Variants in UNC93B1 observed in about 807,000 individuals in gnomAD.
The protein encoded by UNC93B1 is unc-93B1 regulator of TLR signaling.
In UNC93B1, 33 loss-of-function variants were observed where a neutral mutation model predicts 56.8. That is an observed-to-expected ratio of 0.58 (90% confidence interval 0.44 to 0.78). The LOEUF is 0.78. Ranked by LOEUF, UNC93B1 falls within the 30% of genes least tolerant of loss-of-function variation. The probability of loss-of-function intolerance (pLI) is 0.00; values close to 1 mark genes in which losing one functional copy is unlikely to be tolerated. For missense variants in UNC93B1, 673 were observed against 819.5 expected (o/e 0.82, Z 2.18); for synonymous variants, 334 against 358.6 (o/e 0.93, Z 0.77).
chr11:67,991,594 G>A lies in UNC93B1; in HGVS notation c.1746C>T (p.Pro582=). ...CCCCCTGCGCCTGTTCGTACGGGCAGGGCCGGCGGCCGAGTCCAGCGGGCT... is the reference window on the plus strand; with the variant it reads ...CCCCCTGCGCCTGTTCGTACGGGCAAGGCCGGCGGCCGAGTCCAGCGGGCT... ...GPEPAGLGRR[P]CPYEQAQGGD... The change falls in exon 11 of 11, where the codon CCC becomes CCT. Residue 582 remains proline (P), a synonymous_variant. Coordinates refer to ENST00000227471, the MANE Select transcript of UNC93B1 (RefSeq NM_030930.4). 6.7e-7 allele frequency: 1 copy of A among 1,497,236 alleles called. No individual in the cohort carries two copies. The highest frequency in any genetic ancestry group is 8.8e-7 in the Non-Finnish European group (1 of 1,131,178). 92.7% of individuals were successfully genotyped at this position (1,497,236 alleles called of 1,614,324 possible).
intron 3 of UNC93B1, 78 bp from the exon 4 acceptor site, chr11:67,999,758 G>GC: frequency 6.5e-7 from 1 of 1,527,492 alleles, no homozygotes; most frequent in Non-Finnish European, 8.8e-7. Flanking sequence ...GGCCACAACC[G>GC]CAGGTCCCAG....
chr11:68,000,110 C>A (rs1310136603), intron 3 of UNC93B1, among the ~76,000 whole-genome samples: 1 of 152,178 alleles, frequency 6.6e-6, no homozygotes, highest in East Asian at 1.9e-4. Context: ...GCCAGAGTCC[C>A]GGCACCCCTG....
In UNC93B1 at chr11:67,996,619, A is replaced by C; in HGVS notation, c.1072T>G (p.Cys358Gly). The change falls in exon 8 of 11, where the codon TGC becomes GGC. Residue 358 changes from cysteine to glycine, a missense_variant. Cys to Gly is a radical substitution (Grantham distance 159, BLOSUM62 -3). Around this residue, in one of 3 missense-constraint regions of UNC93B1, gnomAD observed 155 missense variants for 268.3 expected, o/e 0.58. Transcript: ENST00000227471. ...IYSGFEVLFA[C>G]TGIALGYGVC... ...GTACTTACCAAGGCGATACCAGTGC[A>C]GGCAAAGAGCACCTCGAAGCCGCTG... 1 of 1,549,908 alleles carries C rather than the reference A, an allele frequency of 6.5e-7. No individual in the cohort carries two copies. The highest frequency in any genetic ancestry group is 8.7e-7 in the Non-Finnish European group (1 of 1,145,564).
chr11:67,993,053 C>G (rs1367720704), intron 10 of UNC93B1, among the ~76,000 whole-genome samples: 2 of 151,992 alleles, frequency 1.3e-5, no homozygotes, highest in East Asian at 3.9e-4. Flanking sequence ...GCCAACGCCC[C>G]GTCTCGGCTA....
intron 10 of UNC93B1, among the ~76,000 whole-genome samples, chr11:67,992,234 T>C (rs1261243628): frequency 6.6e-6 from 1 of 152,276 alleles, no homozygotes; most frequent in Non-Finnish European, 1.5e-5. Flanking sequence ...ATGCTTTTCA[T>C]GGGGTTTTGA....
chr11:68,003,940 C>A lies in UNC93B1; in HGVS notation c.96+8G>T. 7.3e-7 allele frequency: 1 copy of A among 1,378,920 alleles called. No individual in the cohort carries two copies. Among genetic ancestry groups the A allele is most frequent in the Non-Finnish European group, 9.4e-7 (1 of 1,061,660 alleles). 85.4% of individuals were successfully genotyped at this position (1,378,920 alleles called of 1,614,324 possible). On this transcript the variant is annotated splice_region_variant and intron_variant, in intron 1 of 10. Transcript: ENST00000227471. The surrounding 1 kb of genome is among the most constrained non-coding windows in gnomAD (Gnocchi z 4.4). The stretch of plus-strand genomic sequence containing the variant: ...CGCCCGCGCCTCGCACTCCGGGTCC[C>A]CGCTCACCGGGGCCTCGGGCCCGTC...
In UNC93B1 at chr11:68,003,078, C is replaced by T. The variant is rs1444534972; in HGVS notation, c.336G>A (p.Leu112=). Reference sequence around the variant, plus strand: ...CGATGGGAGTCACGTTGATGCCCATCAGCATTTTGCTGTCGATGTCGGGCA... The same window carrying T: ...CGATGGGAGTCACGTTGATGCCCATTAGCATTTTGCTGTCGATGTCGGGCA... The part of the protein sequence containing the change: ...MGLPDIDSKM[L]MGINVTPIAA... The change falls in exon 3 of 11, where the codon CTG becomes CTA. Residue 112 remains leucine (L), a synonymous_variant. Coordinates refer to ENST00000227471, the MANE Select transcript of UNC93B1 (RefSeq NM_030930.4). This position sits in a 1 kb window ranked among gnomAD's most constrained non-coding sequence, Gnocchi z 4.4. 6.2e-7 allele frequency: 1 copy of T among 1,613,564 alleles called. No individual in the cohort carries two copies. The highest frequency in any genetic ancestry group is 1.1e-5 in the South Asian group (1 of 91,022).
intron 3 of UNC93B1, among the ~76,000 whole-genome samples, chr11:68,000,837 G>C (rs1213561292): frequency 6.6e-6 from 1 of 152,136 alleles, no homozygotes; most frequent in Non-Finnish European, 1.5e-5. Flanking sequence ...TAACACCATG[G>C]TTTCTTCATG....
Position 67,998,387 on chromosome 11 carries a change from G to T in UNC93B1, c.753C>A (p.Asn251Lys). The change falls in exon 6 of 11, where the codon AAC becomes AAA. Residue 251 changes from asparagine to lysine, a missense_variant. Physicochemically the swap from Asn to Lys is moderately conservative, Grantham distance 94. Transcript: ENST00000227471. Reference sequence around the variant, plus strand: ...AGCTCTGCACATTGTACAGCGTGTGGTTCAGGTCATACAGGTAGTGGTTCA... The same window carrying T: ...AGCTCTGCACATTGTACAGCGTGTGTTTCAGGTCATACAGGTAGTGGTTCA... ...YFLNHYLYDLNHTLYNVQSCG... is the reference protein window; with the variant it reads ...YFLNHYLYDLKHTLYNVQSCG... 1.2e-6 allele frequency: 2 copies of T among 1,613,978 alleles called. No homozygotes were observed. The highest frequency in any genetic ancestry group is 1.7e-6 in the Non-Finnish European group (2 of 1,179,882).
At chr11:68,001,334 T>C (rs1857042364) in intron 3 of UNC93B1, among the ~76,000 whole-genome samples, 1 of 152,074 alleles carries the variant, frequency 6.6e-6, no homozygotes. Flanking sequence ...AGTAAAGACA[T>C]TGTTGAAAAT....
chr11:67,999,496 G>T (rs1238775834), intron 4 of UNC93B1, 23 bp downstream of exon 4: 1 of 1,544,958 alleles, frequency 6.5e-7, no homozygotes, highest in East Asian at 2.5e-5. Flanking sequence ...CCAGCCTCCT[G>T]CCCTGCTGCC....
intron 10 of UNC93B1, among the ~76,000 whole-genome samples, 158 bp from the exon 11 acceptor site, chr11:67,992,015 C>A (rs1304186548): frequency 7.2e-5 from 11 of 152,298 alleles, no homozygotes; most frequent in African/African-American, 2.7e-4. Context: ...GCTTCCTGGA[C>A]CGCCTCCTGC....
chr11:68,000,468 C>G (rs534452762), intron 3 of UNC93B1, among the ~76,000 whole-genome samples: 66 of 152,116 alleles, frequency 4.3e-4, no homozygotes, highest in African/African-American at 1.1e-3. Context: ...AGTTTGAGAC[C>G]AGCCTGGCCA....
chr11:67,995,864 C>T lies in UNC93B1; in HGVS notation c.1110G>A (p.Val370=), dbSNP rs1202051050. The T allele has an allele frequency of 1.3e-6, 2 of 1,530,450 alleles. No individual in the cohort carries two copies. The highest frequency in any genetic ancestry group is 1.8e-6 in the Non-Finnish European group (2 of 1,140,960). 94.8% of individuals were successfully genotyped at this position (1,530,450 alleles called of 1,614,324 possible). A position where few individuals can be genotyped will look rare whatever the true frequency, so the allele number is the denominator to read the frequency against. ...GIALGYGVCS[V]GLERLAYLLV... The stretch of plus-strand genomic sequence containing the variant: ...GGAGGTAAGCCAGCCGCTCCAGCCC[C>T]ACCGAGCACACGCCATAGCCCTGCG... Residue 370 remains valine (V), a synonymous_variant, in exon 9 of 11, where the codon GTG becomes GTA. Transcript: ENST00000227471.
Position 68,003,833 on chromosome 11 carries a change from G to A in UNC93B1, c.97-35C>T, listed in dbSNP as rs1378121624. 3 of 1,446,578 alleles carry A rather than the reference G, an allele frequency of 2.1e-6. No individual in the cohort carries two copies. The allele number at this position is 1,446,578 out of a possible 1,614,324, so 89.6% of individuals were successfully genotyped here. On this transcript the variant is annotated intron_variant, in intron 1 of 10. Coordinates refer to ENST00000227471, the MANE Select transcript of UNC93B1 (RefSeq NM_030930.4). This position sits in a 1 kb window ranked among gnomAD's most constrained non-coding sequence, Gnocchi z 4.4. ...ACGCACGCCGCTCGCACCCGCGATC[G>A]CGCCCCGAACCCGTGTCCCCCGGTG...
At chr11:67,992,728 G>A (rs376031701) in intron 10 of UNC93B1, among the ~76,000 whole-genome samples, 7 of 146,866 alleles carry the variant, frequency 4.8e-5, no homozygotes, top group Admixed American at 2.8e-4. Flanking sequence ...GCGGTGGCGC[G>A]ATCTTGGCTC....
intron 4 of UNC93B1, 105 bp downstream of exon 4, chr11:67,999,414 C>G: frequency 6.5e-7 from 1 of 1,548,916 alleles, no homozygotes; most frequent in South Asian, 1.2e-5. Context: ...AAACTGAGGC[C>G]CAGAGGGCGG....
At chr11:67,997,043 C>A (rs1295498327) in intron 7 of UNC93B1, among the ~76,000 whole-genome samples, 1 of 152,082 alleles carries the variant, frequency 6.6e-6, no homozygotes, top group African/African-American at 2.4e-5. Context: ...AAGGCCCCAT[C>A]CCCTCTCTCT....
chr11:67,997,491 A>G, intron 7 of UNC93B1, 184 bp downstream of exon 7: 1 of 1,065,502 alleles, frequency 9.4e-7, no homozygotes, highest in Non-Finnish European at 1.3e-6. Context: ...TCCGAGCCTC[A>G]TGCCCGCTCT....
Sources: allele counts gnomAD v4.1 joint callset (sites outside exome capture counted in the v4.1 genomes callset), GRCh38; gene constraint gnomAD v4.1.1; regional missense constraint gnomAD v4.1.1; non-coding constraint Gnocchi (gnomAD v3.1); transcripts MANE v1.5; gene names NCBI Gene and HGNC (gene_info 2026-07-23, HGNC 2026-07-21).